The following CSMD1 variants were observed in gnomAD, a reference collection of about 807,000 sequenced individuals.
CSMD1 encodes the protein CUB and sushi domain-containing protein 1.
A neutral mutation model predicts 417.5 loss-of-function variants in CSMD1; 213 were observed. The observed-to-expected ratio is 0.51, with a 90% CI of 0.46 to 0.57. The LOEUF is 0.57. CSMD1 is among the 20% of genes least tolerant of loss of function. CSMD1 has a pLI of 0.00. For synonymous variants in CSMD1, 2,862 were observed against 1,736.8 expected (o/e 1.65, Z -16.11); for missense variants, 6,923 against 4,529.7 (o/e 1.53, Z -15.17).
chr8:4,364,476 T>C (rs923136755), intron 3 of CSMD1, among the ~76,000 whole-genome samples: 1 of 152,184 alleles, frequency 6.6e-6, no homozygotes, highest in African/African-American at 2.4e-5. Flanking sequence ...AGTAATACAA[T>C]TTCCTCTCTT....
chr8:4,714,198 C>G lies in CSMD1; in HGVS notation c.86-76640G>C, dbSNP rs546950682. On this transcript the variant is annotated intron_variant, in intron 1 of 69. Coordinates refer to ENST00000635120, the MANE Select transcript of CSMD1 (RefSeq NM_033225.6). ...TTCTGCACACCAACACCAAGCTCCA[C>G]GTCCACCGTGTTGACGCCTCCTCTG... Among the ~76,000 whole-genome samples the G allele has an allele frequency of 2.4e-4, 37 of 152,202 alleles. No homozygotes were observed. In the South Asian group the frequency reaches 7.5e-3, roughly 31 times the overall value.
intron 7 of CSMD1, among the ~76,000 whole-genome samples, chr8:3,702,472 G>C (rs1286414778): frequency 1.3e-5 from 2 of 152,174 alleles, no homozygotes; most frequent in Non-Finnish European, 2.9e-5. Context: ...GCTAAAACTG[G>C]TTTCTGCCAA....
chr8:4,532,378 G>A (rs1193322045), intron 2 of CSMD1, among the ~76,000 whole-genome samples: 4 of 148,588 alleles, frequency 2.7e-5, no homozygotes, highest in East Asian at 4.1e-4. Context: ...AGTCACTCCA[G>A]AAGAGAAATC....
At chr8:3,305,631 T>G (rs1804774440) in intron 25 of CSMD1, among the ~76,000 whole-genome samples, 1 of 152,002 alleles carries the variant, frequency 6.6e-6, no homozygotes, top group African/African-American at 2.4e-5. Flanking sequence ...GCCCTTGGAC[T>G]TCCCATCCTC....
At chr8:4,019,267 T>G (rs895373649) in intron 4 of CSMD1, among the ~76,000 whole-genome samples, 2 of 150,986 alleles carry the variant, frequency 1.3e-5, no homozygotes, top group Non-Finnish European at 2.9e-5. Context: ...AGACTAAGAG[T>G]TTTTAAAGAT....
chr8:3,547,253 G>A (rs982817670), intron 10 of CSMD1, among the ~76,000 whole-genome samples: 21 of 152,158 alleles, frequency 1.4e-4, no homozygotes, highest in Non-Finnish European at 2.5e-4. Flanking sequence ...CTTGTGTTAT[G>A]AGCACCAAGA....
intron 5 of CSMD1, among the ~76,000 whole-genome samples, chr8:3,792,979 C>A (rs1799832704): frequency 6.6e-6 from 1 of 152,126 alleles, no homozygotes; most frequent in African/African-American, 2.4e-5. Flanking sequence ...CCGTCTAGAA[C>A]CATCCACTCT....
At chr8:3,682,378 G>A (rs964574975) in intron 7 of CSMD1, among the ~76,000 whole-genome samples, 6 of 152,248 alleles carry the variant, frequency 3.9e-5, no homozygotes, top group African/African-American at 1.4e-4. Context: ...ACAAGTGGGT[G>A]AAGGACATGA....
At chr8:3,987,708 G>T (rs77578103) in intron 5 of CSMD1, among the ~76,000 whole-genome samples, 2 of 152,202 alleles carry the variant, frequency 1.3e-5, no homozygotes, top group South Asian at 2.1e-4. Context: ...CTGCAAGGTG[G>T]AACGAGGTCA....
rs769808587 is a variant in CSMD1, at chr8:3,087,050, G to C, written c.7474+47C>G. The stretch of plus-strand genomic sequence containing the variant: ...TATTTTCAGAGAGTGATTAAAATGA[G>C]AGCAATACACAGGAAACAAGGCTGG... On this transcript the variant is annotated intron_variant, in intron 49 of 69. Coordinates refer to ENST00000635120, the MANE Select transcript of CSMD1 (RefSeq NM_033225.6). 3.4e-6 allele frequency: 5 copies of C among 1,481,052 alleles called. No homozygotes were observed. In the African/African-American group the frequency reaches 6.9e-5, roughly 21 times the overall value. 91.7% of individuals were successfully genotyped at this position (1,481,052 alleles called of 1,614,324 possible). A position where few individuals can be genotyped will look rare whatever the true frequency, so the allele number is the denominator to read the frequency against.
chr8:4,852,701 G>A lies in CSMD1; in HGVS notation c.85+141631C>T, dbSNP rs538269276. ...GACTCAAAAGACGACAGGAAGATGA[G>A]GGAAAGTTTGGAGATCCTTAGAAAC... On this transcript the variant is annotated intron_variant, in intron 1 of 69. Coordinates refer to ENST00000635120, the MANE Select transcript of CSMD1 (RefSeq NM_033225.6). 2.0e-5 allele frequency among the ~76,000 whole-genome samples: 3 copies of A among 152,270 alleles called. No individual in the cohort carries two copies. The East Asian group carries it at 5.8e-4, about 29-fold the overall frequency.
At chr8:4,873,876 C>A (rs1489443383) in intron 1 of CSMD1, among the ~76,000 whole-genome samples, 1 of 151,854 alleles carries the variant, frequency 6.6e-6, no homozygotes, top group African/African-American at 2.4e-5. Flanking sequence ...TTTTGAAGCA[C>A]TACGGCTTTT....
chr8:3,273,327 G>A lies in CSMD1; in HGVS notation c.4153+10817C>T, dbSNP rs923733015. On this transcript the variant is annotated intron_variant, in intron 26 of 69. Transcript: ENST00000635120. ...AGCTTTTTGATGTGCTGCTGGATTC[G>A]GTTTGCCAGTATTTTATTGAGGATT... Among the ~76,000 whole-genome samples the A allele has an allele frequency of 2.6e-3, 401 of 151,902 alleles. 2 individuals are homozygous for A. Among genetic ancestry groups the A allele is most frequent in the African/African-American group, 9.4e-3 (388 of 41,398 alleles).
At chr8:4,795,976 C>T (rs751756819) in intron 1 of CSMD1, among the ~76,000 whole-genome samples, 1 of 152,104 alleles carries the variant, frequency 6.6e-6, no homozygotes, top group African/African-American at 2.4e-5. Context: ...TCTTTTAAGC[C>T]TCTCTGATAT....
At chr8:4,154,648 T>G (rs1220676856) in intron 3 of CSMD1, among the ~76,000 whole-genome samples, 2 of 152,164 alleles carry the variant, frequency 1.3e-5, no homozygotes, top group Non-Finnish European at 2.9e-5. Flanking sequence ...AAAAAGGAAT[T>G]GTATTCTAGT....
chr8:3,596,473 T>A (rs919578417), intron 8 of CSMD1, among the ~76,000 whole-genome samples: 31 of 152,292 alleles, frequency 2.0e-4, no homozygotes, highest in African/African-American at 7.2e-4. Context: ...GGCCCTCTGC[T>A]CAGCATCATG....
intron 3 of CSMD1, among the ~76,000 whole-genome samples, chr8:4,314,992 G>C (rs10102924): frequency 1 from 151,968 of 152,232 alleles, 75,852 homozygotes; most frequent in Non-Finnish European, 1. Context: ...ATGGCTAATA[G>C]TACTGACAGC....
In CSMD1 at chr8:3,392,791, C is replaced by T. The variant is rs146447796; in HGVS notation, c.2593+3403G>A. On this transcript the variant is annotated intron_variant, in intron 17 of 69. Coordinates refer to ENST00000635120, the MANE Select transcript of CSMD1 (RefSeq NM_033225.6). The stretch of plus-strand genomic sequence containing the variant: ...TTGAAGAAACCTTCCCCTTCAGCAC[C>T]GGGTAAACGGGGACACCCTCTGAGT... Among the ~76,000 whole-genome samples, 5 of 152,180 alleles carry T rather than the reference C, an allele frequency of 3.3e-5. No individual in the cohort carries two copies. In the South Asian group the frequency reaches 6.2e-4, roughly 19 times the overall value.
intron 37 of CSMD1, among the ~76,000 whole-genome samples, chr8:3,179,094 C>G (rs543270147): frequency 1.3e-4 from 20 of 151,780 alleles, no homozygotes; most frequent in Admixed American, 8.5e-4. Flanking sequence ...ACTACAGGCC[C>G]GCCACCACGC....
Sources: gnomAD v4.1 joint callset for allele counts (sites outside exome capture counted in the v4.1 genomes callset) on GRCh38, gnomAD v4.1.1 for gene constraint, MANE v1.5 for transcripts, NCBI Gene and HGNC (gene_info 2026-07-23, HGNC 2026-07-21) for gene names.